Variants in ARID5B observed in about 807,000 individuals in gnomAD.
The protein encoded by ARID5B is AT-rich interaction domain 5B.
ARID5B carries 13 observed loss-of-function variants against 97.2 expected under a neutral mutation model. That is an observed-to-expected ratio of 0.13 (90% CI 0.09 to 0.21). ARID5B has a LOEUF of 0.21. Among genes scored for constraint, ARID5B ranks in the 10% least tolerant of loss-of-function variants. The pLI is 1.00. For synonymous variants in ARID5B, 556 were observed against 570.3 expected (o/e 0.97, Z 0.36); for missense variants, 1,210 against 1,465.3 (o/e 0.83, Z 2.84).
chr10:61,922,100 A>AGATTG (rs1184912650), intron 2 of ARID5B, among the ~76,000 whole-genome samples: 1 of 152,242 alleles, frequency 6.6e-6, no homozygotes, highest in Non-Finnish European at 1.5e-5. Context: ...AGTAGACTGC[A>AGATTG]GATTGCCTAA....
chr10:62,061,235 A>C (rs1839917751), intron 7 of ARID5B, among the ~76,000 whole-genome samples: 1 of 152,218 alleles, frequency 6.6e-6, no homozygotes, highest in African/African-American at 2.4e-5. Flanking sequence ...TAAAGTACTT[A>C]CTCACGTAGA....
chr10:62,073,595 C>T (rs569796045), intron 8 of ARID5B, among the ~76,000 whole-genome samples: 12 of 152,218 alleles, frequency 7.9e-5, no homozygotes, highest in South Asian at 2.1e-4. Flanking sequence ...CTTTGTCAGC[C>T]GGGTTTTGCT....
chr10:61,968,657 C>T (rs1258678554), intron 3 of ARID5B, among the ~76,000 whole-genome samples: 1 of 152,196 alleles, frequency 6.6e-6, no homozygotes, highest in Non-Finnish European at 1.5e-5. Context: ...AAGAACCCCA[C>T]AGCACAAGTC....
At chr10:62,003,340 G>C (rs1839105237) in intron 4 of ARID5B, among the ~76,000 whole-genome samples, 1 of 152,162 alleles carries the variant, frequency 6.6e-6, no homozygotes, top group South Asian at 2.1e-4. Context: ...GCAGTGGGCT[G>C]GGAGGTGGAT....
chr10:61,911,268 T>C (rs1843799167), intron 2 of ARID5B, among the ~76,000 whole-genome samples: 1 of 152,238 alleles, frequency 6.6e-6, no homozygotes, highest in Admixed American at 6.5e-5. Flanking sequence ...TGTCTTTAGT[T>C]GCTTAGTTAC....
At chr10:61,940,077 G>C in intron 2 of ARID5B, 106 bp from the exon 3 acceptor site, 1 of 989,970 alleles carries the variant, frequency 1.0e-6, no homozygotes, top group Non-Finnish European at 1.6e-6. Context: ...CCTTGCATTA[G>C]GTTAAACCAC....
intron 2 of ARID5B, among the ~76,000 whole-genome samples, chr10:61,939,132 GTTGT>G (rs1174015758): frequency 6.6e-6 from 1 of 152,006 alleles, no homozygotes; most frequent in Admixed American, 6.6e-5. Context: ...TCTTCCTGTT[GTTGT>G]TTGTCAAAAA....
chr10:62,053,655 C>G (rs1232542449), intron 5 of ARID5B, among the ~76,000 whole-genome samples: 1 of 152,096 alleles, frequency 6.6e-6, no homozygotes, highest in Non-Finnish European at 1.5e-5. Context: ...TAATAAAAGG[C>G]CTACATTGAT....
intron 3 of ARID5B, among the ~76,000 whole-genome samples, chr10:61,949,166 G>A (rs1434453514): frequency 6.6e-6 from 1 of 152,234 alleles, no homozygotes; most frequent in Non-Finnish European, 1.5e-5. Flanking sequence ...CTTGGTGTCT[G>A]AGAGTCTGTT....
At chr10:62,031,176 G>A (rs762742045) in intron 4 of ARID5B, among the ~76,000 whole-genome samples, 4 of 152,190 alleles carry the variant, frequency 2.6e-5, no homozygotes, top group Non-Finnish European at 5.9e-5. Context: ...GGAGGTTGCA[G>A]TAAGCCACGA....
Position 62,096,234 on chromosome 10 carries a change from T to C in ARID5B, c.*3204T>C, listed in dbSNP as rs1840468184. The C allele has an allele frequency of 4.3e-6, 1 of 233,576 alleles. No individual in the cohort carries two copies. Among genetic ancestry groups the C allele is most frequent in the East Asian group, 6.0e-5 (1 of 16,586 alleles). The allele number at this position is 233,576 out of a possible 1,614,324, so 14.5% of individuals were successfully genotyped here. On this transcript the variant is annotated 3_prime_UTR_variant, in exon 10 of 10. Coordinates refer to ENST00000279873, the MANE Select transcript of ARID5B (RefSeq NM_032199.3). ...CTTTACAACTTTCTGACCTGGTGCA[T>C]GAATTCTCAAGTACTGTATTTCACT...
Position 61,985,327 on chromosome 10 carries a change from G to T in ARID5B, c.503-14764G>T, listed in dbSNP as rs368082725. 2.8e-3 allele frequency among the ~76,000 whole-genome samples: 423 copies of T among 151,810 alleles called. 2 individuals carry two copies. Among genetic ancestry groups the T allele is most frequent in the Middle Eastern group, 0.027 (8 of 294 alleles). On this transcript the variant is annotated intron_variant, in intron 3 of 9. Transcript: ENST00000279873. Reference sequence around the variant, plus strand: ...TTCACATGCCCACCACCTTTTCTAGGCTATACACCCCTCTTTAAAGAGGGA... The same window carrying T: ...TTCACATGCCCACCACCTTTTCTAGTCTATACACCCCTCTTTAAAGAGGGA...
intron 3 of ARID5B, among the ~76,000 whole-genome samples, chr10:61,957,043 T>C (rs907934418): frequency 1.3e-5 from 2 of 152,170 alleles, no homozygotes; most frequent in Admixed American, 6.5e-5. Flanking sequence ...ATTGTTTTTC[T>C]GAAAAGACAG....
chr10:62,025,350 A>G (rs903166578), intron 4 of ARID5B: 2 of 152,186 alleles, frequency 1.3e-5, no homozygotes, highest in Admixed American at 1.3e-4. Flanking sequence ...TATCTTGGCC[A>G]TAGAATTCAG....
intron 2 of ARID5B, among the ~76,000 whole-genome samples, chr10:61,926,075 T>C (rs1301003399): frequency 2.0e-5 from 3 of 152,170 alleles, no homozygotes; most frequent in Non-Finnish European, 4.4e-5. Context: ...TTTCATCATG[T>C]TAAGGGAGTC....
chr10:62,075,656 A>C (rs1840121418), intron 8 of ARID5B, among the ~76,000 whole-genome samples: 1 of 152,164 alleles, frequency 6.6e-6, no homozygotes, highest in Admixed American at 6.5e-5. Flanking sequence ...TGTTCCATTC[A>C]ACCAAGCCTC....
intron 2 of ARID5B, among the ~76,000 whole-genome samples, chr10:61,917,365 C>T (rs547478135): frequency 6.6e-6 from 1 of 152,184 alleles, no homozygotes; most frequent in East Asian, 1.9e-4. Flanking sequence ...CTCGCTCTGT[C>T]GCCCAGGCTG....
intron 4 of ARID5B, among the ~76,000 whole-genome samples, chr10:62,047,520 T>TGA (rs970136158): frequency 3.9e-5 from 6 of 152,212 alleles, no homozygotes; most frequent in South Asian, 2.1e-4. Context: ...CAGAGCTTTT[T>TGA]CTTGGTAGAG....
intron 4 of ARID5B, among the ~76,000 whole-genome samples, chr10:62,018,195 G>A (rs553911615): frequency 2.0e-5 from 3 of 152,116 alleles, no homozygotes; most frequent in Admixed American, 6.5e-5. Context: ...TGACTTCCTG[G>A]GCAGACCTCC....
Sources: gnomAD v4.1 joint callset for allele counts (sites outside exome capture counted in the v4.1 genomes callset) on GRCh38, gnomAD v4.1.1 for gene constraint, MANE v1.5 for transcripts, NCBI Gene and HGNC (gene_info 2026-07-23, HGNC 2026-07-21) for gene names.